Variants in TMEM131 observed in about 807,000 individuals in gnomAD.
The protein encoded by TMEM131 is transmembrane protein 131.
In TMEM131, 66 loss-of-function variants were observed where a neutral mutation model predicts 211.6. The ratio of observed to expected loss-of-function variants is 0.31; its 90% CI spans 0.26 to 0.38. The LOEUF is 0.38. Ranked by LOEUF, TMEM131 falls within the 10% of genes least tolerant of loss-of-function variation. TMEM131 has a pLI of 1.00. For missense variants in TMEM131, 2,036 were observed against 2,299.3 expected (o/e 0.89, Z 2.34); for synonymous variants, 844 against 841.3 (o/e 1.00, Z -0.06).
At chr2:97,973,338 A>T (rs1469944783) in intron 1 of TMEM131, among the ~76,000 whole-genome samples, 1 of 152,152 alleles carries the variant, frequency 6.6e-6, no homozygotes, top group Non-Finnish European at 1.5e-5. Context: ...TCATTTTCAG[A>T]CCCTAAACAT....
intron 1 of TMEM131, among the ~76,000 whole-genome samples, chr2:97,951,482 T>C (rs1204185370): frequency 6.6e-6 from 1 of 152,156 alleles, no homozygotes; most frequent in Non-Finnish European, 1.5e-5. Context: ...GGTAAGCTTC[T>C]CACTCTATCT....
rs564510937 is a variant in TMEM131 at position 97,994,162 on chromosome 2, C to A, written c.187+1314G>T. ...CACTACAGGCCAAAATGCTAGGTGC[C>A]ACGATCACACATAAGAAAGAACACT... On this transcript the variant is annotated intron_variant, in intron 1 of 40. Transcript: ENST00000186436. Among the ~76,000 whole-genome samples, 16 of 152,322 alleles carry A rather than the reference C, an allele frequency of 1.1e-4. No homozygotes were observed. In the East Asian group the frequency reaches 2.1e-3, roughly 20 times the overall value.
chr2:97,975,250 A>G (rs1679479811), intron 1 of TMEM131, among the ~76,000 whole-genome samples: 1 of 152,168 alleles, frequency 6.6e-6, no homozygotes, highest in Admixed American at 6.5e-5. Context: ...CAAAGAAAAA[A>G]AAAAGAGAAA....
At chr2:97,934,052 G>A (rs183872236) in intron 1 of TMEM131, among the ~76,000 whole-genome samples, 3 of 151,798 alleles carry the variant, frequency 2.0e-5, no homozygotes, top group Non-Finnish European at 2.9e-5. Context: ...AAAAAAAGAC[G>A]AACACACTGG....
At chr2:97,776,120 C>T in intron 31 of TMEM131, 102 bp from the exon 32 acceptor site, 2 of 1,201,034 alleles carry the variant, frequency 1.7e-6, no homozygotes, top group Non-Finnish European at 2.3e-6. Flanking sequence ...GTGGCGAGAT[C>T]TTGGCTCACT....
At chr2:97,780,062 A>AAAAAAC (rs928094520) in intron 31 of TMEM131, among the ~76,000 whole-genome samples, 5 of 152,180 alleles carry the variant, frequency 3.3e-5, no homozygotes, top group South Asian at 2.1e-4. Flanking sequence ...AACAAACAAA[A>AAAAAAC]AAAAACAAAA....
Position 97,834,798 on chromosome 2 carries a change from G to A in TMEM131, c.932C>T (p.Pro311Leu). Residue 311 changes from proline (P) to leucine (L), a missense_variant, in exon 9 of 41, where the codon CCT becomes CTT. Pro to Leu is a moderately conservative substitution (Grantham distance 98). This residue lies in a region of TMEM131 where 277 missense variants were observed against 378.0 expected (regional missense o/e 0.73). Transcript: ENST00000186436. The part of the protein sequence containing the change: ...ASDSTEFIIL[P>L]VEVEVTTAPG... ...ACCTGTTGTAACTTCAACCTCAACA[G>A]GAAGAATGATAAACTCTGTGCTGTC... 6.2e-7 allele frequency: 1 copy of A among 1,613,624 alleles called. No homozygotes were observed. Among genetic ancestry groups the A allele is most frequent in the Non-Finnish European group, 8.5e-7 (1 of 1,179,740 alleles).
At chr2:97,877,663 C>T (rs1190031132) in intron 4 of TMEM131, among the ~76,000 whole-genome samples, 2 of 152,134 alleles carry the variant, frequency 1.3e-5, no homozygotes, top group Non-Finnish European at 2.9e-5. Flanking sequence ...ATGCAGAAAA[C>T]TGAAACTGGA....
intron 1 of TMEM131, among the ~76,000 whole-genome samples, chr2:97,954,806 C>CAAAAAA (rs778680522): frequency 5.1e-4 from 19 of 36,912 alleles, no homozygotes; most frequent in South Asian, 2.2e-3. Context: ...AACTCCATCT[C>CAAAAAA]AAAAAAAAAA....
At chr2:97,793,993 CAAAAAAAAAA>C (rs1169823016) in intron 29 of TMEM131, among the ~76,000 whole-genome samples, 7 of 54,434 alleles carry the variant, frequency 1.3e-4, no homozygotes, top group African/African-American at 4.6e-4. Context: ...GACTCTGTCT[CAAAAAAAAAA>C]AAAAAAAAAA....
At chr2:97,944,967 T>A (rs756629316) in intron 1 of TMEM131, among the ~76,000 whole-genome samples, 1 of 152,282 alleles carries the variant, frequency 6.6e-6, no homozygotes, top group Non-Finnish European at 1.5e-5. Flanking sequence ...TGTATATACA[T>A]AAGAAAACCG....
chr2:97,813,473 T>C (rs1681660293), intron 15 of TMEM131, among the ~76,000 whole-genome samples: 1 of 152,218 alleles, frequency 6.6e-6, no homozygotes, highest in South Asian at 2.1e-4. Context: ...GCTTATTTTC[T>C]GTACCAGGAG....
At chr2:97,957,930 T>A (rs929571992) in intron 1 of TMEM131, among the ~76,000 whole-genome samples, 34 of 152,140 alleles carry the variant, frequency 2.2e-4, no homozygotes, top group Non-Finnish European at 1.8e-4. Context: ...TACACTGAGA[T>A]GAGACACAGA....
chr2:97,804,517 G>C lies in TMEM131; in HGVS notation c.2402+571C>G, dbSNP rs1681195305. On this transcript the variant is annotated intron_variant, in intron 22 of 40. Transcript: ENST00000186436. Reference sequence around the variant, plus strand: ...ATCTCTACCAAAAATACAAAAATTAGCCAAGCATGGTGGCATGTACCTGTG... The same window carrying C: ...ATCTCTACCAAAAATACAAAAATTACCCAAGCATGGTGGCATGTACCTGTG... 2.0e-5 allele frequency among the ~76,000 whole-genome samples: 3 copies of C among 150,368 alleles called. No homozygotes were observed. In the Admixed American group the frequency reaches 2.0e-4, roughly 10 times the overall value.
intron 12 of TMEM131, among the ~76,000 whole-genome samples, chr2:97,815,769 G>A (rs1377990969): frequency 6.6e-6 from 1 of 152,168 alleles, no homozygotes; most frequent in East Asian, 1.9e-4. Flanking sequence ...ATGCCTCTCT[G>A]CATTGCCAGA....
At chr2:97,930,020 C>T (rs1305513939) in intron 1 of TMEM131, among the ~76,000 whole-genome samples, 1 of 151,822 alleles carries the variant, frequency 6.6e-6, no homozygotes, top group East Asian at 1.9e-4. Context: ...CCATCCCATT[C>T]CTCACCTGTT....
intron 1 of TMEM131, among the ~76,000 whole-genome samples, chr2:97,971,795 G>A (rs181215253): frequency 1.6e-4 from 24 of 151,822 alleles, no homozygotes; most frequent in South Asian, 1.0e-3. Flanking sequence ...CCCAGAGGTC[G>A]AGGCTGCAGT....
chr2:97,833,501 A>G (rs774013940), intron 10 of TMEM131, 75 bp from the exon 11 acceptor site: 24 of 678,744 alleles, frequency 3.5e-5, no homozygotes, highest in Non-Finnish European at 5.8e-5. Context: ...ACCTTATAAG[A>G]TATCAAATTG....
rs527792574 is a variant in TMEM131 at position 97,826,777 on chromosome 2, T to C, written c.1074+6588A>G. 1.2e-4 allele frequency among the ~76,000 whole-genome samples: 18 copies of C among 152,326 alleles called. No homozygotes were observed. In the South Asian group the frequency reaches 3.7e-3, roughly 32 times the overall value. On this transcript the variant is annotated intron_variant, in intron 11 of 40. Coordinates refer to ENST00000186436, the MANE Select transcript of TMEM131 (RefSeq NM_015348.2). The stretch of plus-strand genomic sequence containing the variant: ...AAAGCCAGGGTAAATTTAAAACCTA[T>C]AATTGATAATTGAAGGTCTTCTCTG...
Sources: gnomAD v4.1 joint callset for allele counts (sites outside exome capture counted in the v4.1 genomes callset) on GRCh38, gnomAD v4.1.1 for gene constraint, gnomAD v4.1.1 regional missense constraint, MANE v1.5 for transcripts, NCBI Gene and HGNC (gene_info 2026-07-23, HGNC 2026-07-21) for gene names.